CDC5L: variants seen among roughly 807,000 people sequenced by gnomAD.
CDC5L encodes the protein cell division cycle 5-like protein.
Under a neutral mutation model 104.1 loss-of-function variants are expected in CDC5L, and 18 were observed. That is an observed-to-expected ratio of 0.17 (90% CI 0.12 to 0.26). CDC5L has a LOEUF of 0.26. CDC5L is among the 10% of genes least tolerant of loss of function. The pLI is 1.00. For missense variants in CDC5L, 673 were observed against 956.9 expected (o/e 0.70, Z 3.91); for synonymous variants, 331 against 322.7 (o/e 1.03, Z -0.28).
chr6:44,415,142 T>C (rs1006937657), intron 8 of CDC5L, among the ~76,000 whole-genome samples: 5 of 152,262 alleles, frequency 3.3e-5, no homozygotes, highest in African/African-American at 1.2e-4. Flanking sequence ...CTATTATCTA[T>C]CCTGTGCCAG....
chr6:44,393,368 C>G lies in CDC5L; in HGVS notation c.312-78C>G, dbSNP rs1178739627. On this transcript the variant is annotated intron_variant, in intron 3 of 15. Coordinates refer to ENST00000371477, the MANE Select transcript of CDC5L (RefSeq NM_001253.4). ...TTGGTTTTTTTGGGGGGAAAAATATCGTCAGAACTTGGAAATCTGGTAATT... is the reference window on the plus strand; with the variant it reads ...TTGGTTTTTTTGGGGGGAAAAATATGGTCAGAACTTGGAAATCTGGTAATT... 3 of 1,361,958 alleles carry G rather than the reference C, an allele frequency of 2.2e-6. No individual in the cohort carries two copies. The African/African-American group carries it at 4.4e-5, about 20-fold the overall frequency. The allele number at this position is 1,361,958 out of a possible 1,614,324, so 84.4% of individuals were successfully genotyped here.
chr6:44,399,220 T>A (rs189570763), intron 5 of CDC5L, among the ~76,000 whole-genome samples: 48 of 152,354 alleles, frequency 3.2e-4, no homozygotes, highest in Non-Finnish European at 1.9e-4. Context: ...CCCAAAGTGC[T>A]GGGATTGCAG....
Position 44,426,711 on chromosome 6 carries a change from A to G in CDC5L, c.1880A>G (p.Glu627Gly). Residue 627 changes from glutamate to glycine, a missense_variant, in exon 13 of 16, where the codon GAA becomes GGA. Physicochemically the swap from Glu to Gly is moderately conservative, Grantham distance 98. This residue lies in a region of CDC5L where 578 missense variants were observed against 737.0 expected (regional missense o/e 0.78). Transcript: ENST00000371477. ...AATCCTTATGAAAAGTTCTCCAAAG[A>G]AGAGCTGAAAAAGGTATGATTGAGC... is the stretch of plus-strand genomic sequence containing the variant. ...EHNPYEKFSK[E>G]ELKKAQDVLV... 1 of 1,612,736 alleles carries G rather than the reference A, an allele frequency of 6.2e-7. No homozygotes were observed. Among genetic ancestry groups the G allele is most frequent in the Non-Finnish European group, 8.5e-7 (1 of 1,179,372 alleles).
At chr6:44,440,760 T>G (rs1218039359) in intron 14 of CDC5L, among the ~76,000 whole-genome samples, 1 of 147,596 alleles carries the variant, frequency 6.8e-6, no homozygotes, top group African/African-American at 2.5e-5. Context: ...CAGGCTGGAG[T>G]GCAGTGGTGT....
intron 11 of CDC5L, among the ~76,000 whole-genome samples, chr6:44,425,211 A>C (rs1344171916): frequency 6.6e-6 from 1 of 152,236 alleles, no homozygotes; most frequent in Non-Finnish European, 1.5e-5. Flanking sequence ...AAAATCCAAC[A>C]CCTGAAATGC....
chr6:44,428,772 T>C (rs1217116734), intron 13 of CDC5L, among the ~76,000 whole-genome samples: 1 of 152,216 alleles, frequency 6.6e-6, no homozygotes, highest in Non-Finnish European at 1.5e-5. Context: ...TGATCTATCA[T>C]CTAATTCGTG....
intron 1 of CDC5L, 67 bp downstream of exon 1, chr6:44,387,935 G>A: frequency 6.7e-7 from 1 of 1,481,980 alleles, no homozygotes; most frequent in Non-Finnish European, 9.2e-7. Flanking sequence ...CACGCGCGCG[G>A]AGGTCGGGGG....
intron 11 of CDC5L, among the ~76,000 whole-genome samples, chr6:44,425,382 A>G (rs1296377804): frequency 6.6e-6 from 1 of 152,218 alleles, no homozygotes; most frequent in Non-Finnish European, 1.5e-5. Flanking sequence ...GGAATACTCA[A>G]CAAGCTCAGA....
intron 9 of CDC5L, among the ~76,000 whole-genome samples, chr6:44,421,694 G>A (rs1331292): frequency 0.97 from 147,781 of 152,334 alleles, 71,706 homozygotes; most frequent in East Asian, 1. Flanking sequence ...AAAATACAAT[G>A]TACCAACTAT....
intron 8 of CDC5L, 145 bp downstream of exon 8, chr6:44,408,777 T>A: frequency 2.1e-6 from 1 of 472,560 alleles, no homozygotes; most frequent in East Asian, 3.3e-5. Flanking sequence ...CTTGCAATAT[T>A]TCTGTAGTAG....
intron 1 of CDC5L, among the ~76,000 whole-genome samples, chr6:44,389,365 A>G (rs773813610): frequency 3.3e-5 from 5 of 152,240 alleles, no homozygotes; most frequent in Admixed American, 6.5e-5. Context: ...AGTCTTTTTA[A>G]AAAGTATCTT....
At chr6:44,388,649 C>CT (rs964772779) in intron 1 of CDC5L, among the ~76,000 whole-genome samples, 23 of 143,998 alleles carry the variant, frequency 1.6e-4, no homozygotes, top group African/African-American at 5.6e-4. Flanking sequence ...TGCTCTGTGT[C>CT]TTTTTTTCGT....
At chr6:44,393,300 T>C (rs1037186980) in intron 3 of CDC5L, 146 bp from the exon 4 acceptor site, 1 of 589,248 alleles carries the variant, frequency 1.7e-6, no homozygotes, top group East Asian at 3.1e-5. Flanking sequence ...TTCTTTCAGA[T>C]GAAGTGATAG....
intron 13 of CDC5L, 124 bp from the exon 14 acceptor site, chr6:44,429,589 A>G: frequency 1.3e-6 from 1 of 785,718 alleles, no homozygotes; most frequent in Non-Finnish European, 2.0e-6. Flanking sequence ...ACCCTTCCAA[A>G]AAACAACCAA....
At chr6:44,391,732 G>T (rs533784490) in intron 2 of CDC5L, among the ~76,000 whole-genome samples, 12 of 152,146 alleles carry the variant, frequency 7.9e-5, no homozygotes, top group Non-Finnish European at 1.8e-4. Flanking sequence ...AATTGGCCAG[G>T]CGTGGTGGCT....
intron 14 of CDC5L, among the ~76,000 whole-genome samples, chr6:44,432,519 A>T (rs1224893684): frequency 2.0e-5 from 3 of 150,956 alleles, no homozygotes; most frequent in African/African-American, 7.4e-5. Flanking sequence ...TCCTGAATGG[A>T]TTAAAAAAAA....
intron 8 of CDC5L, among the ~76,000 whole-genome samples, chr6:44,415,593 G>A (rs116331510): frequency 6.4e-4 from 98 of 152,106 alleles, no homozygotes; most frequent in Middle Eastern, 3.4e-3. Context: ...AGGTACAGTC[G>A]CTGCAGGGCC....
chr6:44,429,016 T>C (rs892585431), intron 13 of CDC5L, among the ~76,000 whole-genome samples: 1 of 100,788 alleles, frequency 9.9e-6, no homozygotes, highest in African/African-American at 6.4e-5. Context: ...TTTCATTAGC[T>C]TTTTTTTTTT....
intron 14 of CDC5L, among the ~76,000 whole-genome samples, chr6:44,444,780 A>G (rs1398493857): frequency 1.3e-5 from 2 of 152,010 alleles, no homozygotes; most frequent in Admixed American, 6.6e-5. Context: ...TACCACATCT[A>G]GGAGATTTAG....
Sources: gnomAD v4.1 joint callset for allele counts (sites outside exome capture counted in the v4.1 genomes callset) on GRCh38, gnomAD v4.1.1 for gene constraint, gnomAD v4.1.1 regional missense constraint, MANE v1.5 for transcripts, NCBI Gene and HGNC (gene_info 2026-07-23, HGNC 2026-07-21) for gene names.